The following TMEM108 variants were observed in gnomAD, a reference collection of about 807,000 sequenced individuals.
The protein encoded by TMEM108 is transmembrane protein 108.
A neutral mutation model predicts 35.1 loss-of-function variants in TMEM108; 12 were observed. The ratio of observed to expected loss-of-function variants is 0.34; its 90% CI spans 0.22 to 0.55. TMEM108 has a LOEUF of 0.55. TMEM108 is among the 20% of genes least tolerant of loss of function. The pLI is 0.89. For synonymous variants in TMEM108, 287 were observed against 308.6 expected (o/e 0.93, Z 0.73); for missense variants, 680 against 753.3 (o/e 0.90, Z 1.14).
intron 2 of TMEM108, among the ~76,000 whole-genome samples, chr3:133,211,445 C>T (rs1258435866): frequency 1.3e-5 from 2 of 152,166 alleles, no homozygotes; most frequent in African/African-American, 4.8e-5. Context: ...ATAAGCAGTG[C>T]AGTCAAAATG....
chr3:133,319,896 C>G lies in TMEM108; in HGVS notation c.41-59856C>G, dbSNP rs544170179. Among the ~76,000 whole-genome samples, 4 of 152,274 alleles carry G rather than the reference C, an allele frequency of 2.6e-5. No homozygotes were observed. The East Asian group carries it at 7.7e-4, about 29-fold the overall frequency. ...GGACAAAAGAATCTGAAGAGCAGCC[C>G]TTAAGTTCCAGATTTTTCCACTGAA... On this transcript the variant is annotated intron_variant, in intron 3 of 5. Coordinates refer to ENST00000321871, the MANE Select transcript of TMEM108 (RefSeq NM_023943.4).
At chr3:133,360,931 A>G (rs1263958032) in intron 3 of TMEM108, among the ~76,000 whole-genome samples, 1 of 152,236 alleles carries the variant, frequency 6.6e-6, no homozygotes, top group Non-Finnish European at 1.5e-5. Context: ...TGGTAAAAAC[A>G]AACAAAAAAA....
intron 3 of TMEM108, among the ~76,000 whole-genome samples, chr3:133,332,082 GCACACACACACACACACA>G (rs66877804): frequency 6.0e-5 from 9 of 150,916 alleles, no homozygotes; most frequent in African/African-American, 2.2e-4. Flanking sequence ...GTGCGCACGT[GCACACACACACACACACA>G]CACACACACA....
chr3:133,144,812 T>G (rs529969660), intron 2 of TMEM108, among the ~76,000 whole-genome samples: 4 of 152,300 alleles, frequency 2.6e-5, no homozygotes, highest in Middle Eastern at 3.4e-3. Flanking sequence ...TTGATGGGGT[T>G]GTTTGTTTTT....
intron 2 of TMEM108, among the ~76,000 whole-genome samples, chr3:133,152,164 G>A (rs918683750): frequency 6.6e-6 from 1 of 152,100 alleles, no homozygotes; most frequent in African/African-American, 2.4e-5. Flanking sequence ...TAGATACAAG[G>A]GACAGAAGAA....
chr3:133,070,745 A>ATGTGTGTGTGTG (rs10530634), intron 2 of TMEM108, among the ~76,000 whole-genome samples: 21,619 of 148,202 alleles, frequency 0.15, 1,909 homozygotes, highest in Admixed American at 0.2. Flanking sequence ...TCTCTGATGT[A>ATGTGTGTGTGTG]TGTGTGTGTG....
intron 3 of TMEM108, among the ~76,000 whole-genome samples, chr3:133,282,276 T>TG (rs1353615531): frequency 6.6e-6 from 1 of 152,268 alleles, no homozygotes; most frequent in Non-Finnish European, 1.5e-5. Flanking sequence ...GTACTTTTGC[T>TG]GCTTTTCTTT....
intron 2 of TMEM108, among the ~76,000 whole-genome samples, chr3:133,214,640 TG>T (rs1319130302): frequency 6.6e-6 from 1 of 152,188 alleles, no homozygotes; most frequent in East Asian, 1.9e-4. Flanking sequence ...AGTCAATTCT[TG>T]TTATTCATGT....
At chr3:133,250,603 C>A (rs765878679) in intron 3 of TMEM108, among the ~76,000 whole-genome samples, 2 of 152,184 alleles carry the variant, frequency 1.3e-5, no homozygotes, top group African/African-American at 2.4e-5. Context: ...CAAGGGTCAA[C>A]TCTATTCTTG....
chr3:133,110,582 CTTG>C (rs5852729), intron 2 of TMEM108, among the ~76,000 whole-genome samples: 21,429 of 152,120 alleles, frequency 0.14, 1,515 homozygotes, highest in Admixed American at 0.16. Flanking sequence ...TGACCTGCAT[CTTG>C]TTGTCACATA....
chr3:133,089,416 G>T (rs1943921540), intron 2 of TMEM108, among the ~76,000 whole-genome samples: 1 of 152,152 alleles, frequency 6.6e-6, no homozygotes, highest in East Asian at 1.9e-4. Flanking sequence ...CATGTCCTTT[G>T]AAAGAAAATG....
rs745343008 is a variant in TMEM108, at chr3:133,106,175, G to GTT, written c.-47+60178_-47+60179dup. 3.7e-3 allele frequency among the ~76,000 whole-genome samples: 332 copies of GTT among 89,586 alleles called. 1 individual carries two copies. Among genetic ancestry groups the GTT allele is most frequent in the African/African-American group, 8.5e-3 (202 of 23,738 alleles). 58.8% of individuals were successfully genotyped at this position (89,586 alleles called of 152,430 possible). A position where few individuals can be genotyped will look rare whatever the true frequency, so the allele number is the denominator to read the frequency against. ...GGGACTTCCAATTGAGAGGTTAAAG[G>GTT]TTTTTTTTTTTTTTTTTTTTTTTTG... On this transcript the variant is annotated intron_variant, in intron 2 of 5. Transcript: ENST00000321871.
intron 4 of TMEM108, chr3:133,388,740 G>C (rs2073190293): frequency 1.0e-6 from 1 of 985,342 alleles, no homozygotes; most frequent in Admixed American, 6.1e-5. Flanking sequence ...GCTGGCAGCT[G>C]GAAAGAAAGC....
chr3:133,167,382 T>A (rs1415954441), intron 2 of TMEM108, among the ~76,000 whole-genome samples: 1 of 152,234 alleles, frequency 6.6e-6, no homozygotes, highest in East Asian at 1.9e-4. Context: ...TGCCTGCCAG[T>A]CCCGCGCTGT....
intron 2 of TMEM108, among the ~76,000 whole-genome samples, chr3:133,079,806 GGT>G (rs1352471182): frequency 2.0e-5 from 3 of 152,128 alleles, no homozygotes; most frequent in African/African-American, 7.2e-5. Flanking sequence ...GAGGAATAAG[GGT>G]GTGTCTTGCT....
At chr3:133,121,427 C>G (rs1240857614) in intron 2 of TMEM108, among the ~76,000 whole-genome samples, 1 of 152,190 alleles carries the variant, frequency 6.6e-6, no homozygotes, top group Non-Finnish European at 1.5e-5. Flanking sequence ...AGCCAAGTCT[C>G]TGACAAAAGA....
chr3:133,286,612 C>T (rs1450867315), intron 3 of TMEM108, among the ~76,000 whole-genome samples: 1 of 152,206 alleles, frequency 6.6e-6, no homozygotes, highest in Non-Finnish European at 1.5e-5. Context: ...GCTGGTATTA[C>T]AGCTATGAGC....
At chr3:133,349,930 G>A (rs1269496701) in intron 3 of TMEM108, among the ~76,000 whole-genome samples, 1 of 152,096 alleles carries the variant, frequency 6.6e-6, no homozygotes, top group Non-Finnish European at 1.5e-5. Flanking sequence ...TCCCATTACT[G>A]TATATATATC....
intron 2 of TMEM108, among the ~76,000 whole-genome samples, chr3:133,168,033 A>G (rs1303135378): frequency 6.6e-6 from 1 of 152,116 alleles, no homozygotes; most frequent in Non-Finnish European, 1.5e-5. Flanking sequence ...AGTGCCACAG[A>G]GAGTCTGTTT....
Sources: allele counts gnomAD v4.1 joint callset (sites outside exome capture counted in the v4.1 genomes callset), GRCh38; gene constraint gnomAD v4.1.1; transcripts MANE v1.5; gene names NCBI Gene and HGNC (gene_info 2026-07-23, HGNC 2026-07-21).